The following RPS29 variants were observed in gnomAD, a reference collection of about 807,000 sequenced individuals.
RPS29 encodes the protein small ribosomal subunit protein uS14.
For synonymous variants in RPS29, 37 were observed against 26.9 expected, an observed-to-expected ratio of 1.37 and a Z score of -1.16; for missense variants, 60 against 75.7, an observed-to-expected ratio of 0.79 and a Z score of 0.77.
At chr14:49,585,680 A>G in intron 2 of RPS29, 1 of 464,062 alleles carries the variant, frequency 2.2e-6, no homozygotes, top group Non-Finnish European at 3.8e-6. Flanking sequence ...TTCACCAAAC[A>G]CAATACACGG....
exon 3 of RPS29, chr14:49,573,140 G>C (rs1221362045): frequency 6.6e-6 from 1 of 151,018 alleles, no homozygotes; most frequent in Non-Finnish European, 1.5e-5. Flanking sequence ...GAAAGAAAAA[G>C]CAAGAGAAAG....
chr14:49,574,568 C>T (rs1163726116), exon 3 of RPS29: 1 of 152,214 alleles, frequency 6.6e-6, no homozygotes, highest in Non-Finnish European at 1.5e-5. Flanking sequence ...GTCTCTTTCT[C>T]TCCCTACGTC....
At chr14:49,598,371 G>C (rs1361083041) in intron 1 of RPS29, 2 of 664,314 alleles carry the variant, frequency 3.0e-6, no homozygotes, top group Admixed American at 2.1e-5. Flanking sequence ...CTCAGGTGCA[G>C]TTAAGCCAGT....
chr14:49,572,412 T>C (rs1286873849), exon 3 of RPS29: 2 of 152,256 alleles, frequency 1.3e-5, no homozygotes, highest in African/African-American at 2.4e-5. Context: ...GAGGTCAGAA[T>C]ACTTTCAAAT....
chr14:49,581,280 T>G (rs972684713), downstream of RPS29, among the ~76,000 whole-genome samples: 1 of 152,186 alleles, frequency 6.6e-6, no homozygotes, highest in African/African-American at 2.4e-5. Context: ...CTGTCACACT[T>G]CCCCTCCTCT....
exon 3 of RPS29, chr14:49,575,710 G>C (rs1324542450): frequency 2.0e-5 from 3 of 152,054 alleles, no homozygotes; most frequent in Admixed American, 2.0e-4. Context: ...AATTAGCTGG[G>C]CATTGTGGTG....
At chr14:49,588,960 C>T (rs1001140661), upstream of RPS29, among the ~76,000 whole-genome samples, 4 of 134,622 alleles carry the variant, frequency 3.0e-5, no homozygotes, top group Admixed American at 1.6e-4. Context: ...GGTGCGATCT[C>T]GGCCCACTGC....
intron 1 of RPS29, among the ~76,000 whole-genome samples, chr14:49,597,194 G>A (rs1881849880): frequency 6.6e-6 from 1 of 152,122 alleles, no homozygotes. Context: ...GATTACAGTC[G>A]TGAGCCACCG....
At chr14:49,597,577 A>T (rs1409910785) in intron 1 of RPS29, 1 of 152,136 alleles carries the variant, frequency 6.6e-6, no homozygotes, top group African/African-American at 2.4e-5. Context: ...TTTAGCCATA[A>T]AGTTTTGCTT....
chr14:49,581,059 T>C (rs1348438023), downstream of RPS29, among the ~76,000 whole-genome samples: 1 of 151,188 alleles, frequency 6.6e-6, no homozygotes, highest in Non-Finnish European at 1.5e-5. Context: ...TGGTGGCGCA[T>C]GCCTGTAATC....
intron 1 of RPS29, chr14:49,598,242 C>T: frequency 1.7e-6 from 1 of 584,486 alleles, no homozygotes; most frequent in Non-Finnish European, 3.0e-6. Context: ...CCGTGAGCGC[C>T]TGCTTAACAT....
intron 1 of RPS29, among the ~76,000 whole-genome samples, chr14:49,593,443 C>G (rs1881757076): frequency 6.6e-6 from 1 of 152,052 alleles, no homozygotes; most frequent in South Asian, 2.1e-4. Flanking sequence ...GTGGCTCATG[C>G]CTGTAATCCC....
At chr14:49,572,944 G>C (rs555686917) in exon 3 of RPS29, 1 of 152,062 alleles carries the variant, frequency 6.6e-6, no homozygotes, top group Non-Finnish European at 1.5e-5. Flanking sequence ...ATGCACGCCT[G>C]TGGTCCCAGA....
downstream of RPS29, among the ~76,000 whole-genome samples, chr14:49,578,895 G>T (rs559818956): frequency 3.3e-5 from 5 of 152,216 alleles, no homozygotes; most frequent in East Asian, 9.6e-4. Flanking sequence ...CAGTTTAGTG[G>T]TAAGAGCAGT....
exon 3 of RPS29, chr14:49,577,320 G>T (rs1261275274): frequency 6.2e-6 from 1 of 160,626 alleles, no homozygotes; most frequent in African/African-American, 2.4e-5. Flanking sequence ...AGGGTCTCTG[G>T]TTTTTGTTGT....
exon 3 of RPS29, chr14:49,573,777 C>A (rs2139498928): frequency 6.6e-6 from 1 of 152,284 alleles, no homozygotes; most frequent in South Asian, 2.1e-4. Flanking sequence ...AATATGTCAT[C>A]TGTGCTAGAG....
exon 3 of RPS29, chr14:49,572,722 A>G (rs1881083766): frequency 6.6e-6 from 1 of 152,224 alleles, no homozygotes; most frequent in African/African-American, 2.4e-5. Context: ...CTCAGAAATC[A>G]GATAATGAAG....
intron 1 of RPS29, among the ~76,000 whole-genome samples, chr14:49,595,369 T>C (rs996090150): frequency 6.6e-6 from 1 of 151,380 alleles, no homozygotes; most frequent in Non-Finnish European, 1.5e-5. Context: ...GAGGACAGCT[T>C]GAGGTCAGGA....
intron 1 of RPS29, among the ~76,000 whole-genome samples, chr14:49,596,831 G>A (rs1015228700): frequency 1.3e-5 from 2 of 149,748 alleles, no homozygotes; most frequent in South Asian, 4.2e-4. Context: ...AGGCTGGAGG[G>A]CAGTTCTTCG....
Sources: gnomAD v4.1 joint callset for allele counts (sites outside exome capture counted in the v4.1 genomes callset) on GRCh38, gnomAD v4.1.1 for gene constraint, MANE v1.5 for transcripts, NCBI Gene and HGNC (gene_info 2026-07-23, HGNC 2026-07-21) for gene names.